KCNJ13: variants seen among roughly 807,000 people sequenced by gnomAD.
KCNJ13 encodes potassium inwardly rectifying channel subfamily J member 13.
In KCNJ13, 9 loss-of-function variants were observed where a neutral mutation model predicts 24.6. The observed-to-expected ratio is 0.37, with a 90% CI of 0.22 to 0.64. The LOEUF is 0.64. KCNJ13 is among the 30% of genes least tolerant of loss of function. KCNJ13 has a pLI of 0.64. For missense variants in KCNJ13, 337 were observed against 443.8 expected, an observed-to-expected ratio of 0.76 and a Z score of 2.16; for synonymous variants, 148 against 154.7, an observed-to-expected ratio of 0.96 and a Z score of 0.32.
At chr2:232,771,692 GC>G (rs1237788770) in intron 1 of KCNJ13, among the ~76,000 whole-genome samples, 4 of 152,086 alleles carry the variant, frequency 2.6e-5, no homozygotes, top group African/African-American at 9.7e-5. Context: ...TGTCTTCCTT[GC>G]ACAAGTCCGG....
rs121918542 is a variant in KCNJ13, at chr2:232,768,790, G to A, written c.484C>T (p.Arg162Trp). 1 of 1,602,284 alleles carries A rather than the reference G, an allele frequency of 6.2e-7. No homozygotes were observed. The highest frequency in any genetic ancestry group is 8.5e-7 in the Non-Finnish European group (1 of 1,171,470). The change falls in exon 3 of 3, where the codon CGG (arginine) becomes TGG (tryptophan). Residue 162 changes from arginine to tryptophan, a missense_variant. Around this residue, in one of 3 missense-constraint regions of KCNJ13, gnomAD observed 235 missense variants for 286.9 expected, o/e 0.82. Transcript: ENST00000233826. ...ITGAFVAKIA[R>W]PKNRAFSIRF... ...ATTGAAAAAGCTCGATTTTTTGGCC[G>A]GGCAATCTTCGCCACAAAAGCACCT...
chr2:232,774,204 G>A (rs1699413048), intron 1 of KCNJ13, among the ~76,000 whole-genome samples: 1 of 152,098 alleles, frequency 6.6e-6, no homozygotes, highest in Admixed American at 6.6e-5. Flanking sequence ...TCCAGAGTTA[G>A]TGCCATATTG....
chr2:232,769,695 G>C (rs1038327640), intron 2 of KCNJ13, among the ~76,000 whole-genome samples: 1 of 151,892 alleles, frequency 6.6e-6, no homozygotes, highest in Admixed American at 6.6e-5. Context: ...AATCAGTTTT[G>C]TGCCACAGAT....
In KCNJ13 at chr2:232,776,543, T is replaced by C. The variant is rs994855550; in HGVS notation, c.-115A>G. 2 of 889,560 alleles carry C rather than the reference T, an allele frequency of 2.2e-6. No homozygotes were observed. Among genetic ancestry groups the C allele is most frequent in the African/African-American group, 3.3e-5 (2 of 60,724 alleles). 55.1% of individuals were successfully genotyped at this position (889,560 alleles called of 1,614,324 possible). A position where few individuals can be genotyped will look rare whatever the true frequency, so the allele number is the denominator to read the frequency against. On this transcript the variant is annotated 5_prime_UTR_variant, in exon 1 of 3. Transcript: ENST00000233826. ...AGATAATTTTAATCTACAAGTCTAGTTTGTAGGTTCTCTTCTTGGACTGGT... is the reference window on the plus strand; with the variant it reads ...AGATAATTTTAATCTACAAGTCTAGCTTGTAGGTTCTCTTCTTGGACTGGT...
intron 1 of KCNJ13, 76 bp from the exon 2 acceptor site, chr2:232,771,454 T>A (rs1699242096): frequency 2.2e-6 from 2 of 926,582 alleles, no homozygotes; most frequent in South Asian, 3.6e-5. Context: ...GCTCATGGAC[T>A]TTCTGCTTTC....
Position 232,768,119 on chromosome 2 carries a change from T to C in KCNJ13, c.*72A>G. 1 of 1,460,508 alleles carries C rather than the reference T, an allele frequency of 6.8e-7. No homozygotes were observed. Among genetic ancestry groups the C allele is most frequent in the Non-Finnish European group, 9.6e-7 (1 of 1,045,054 alleles). The allele number at this position is 1,460,508 out of a possible 1,614,324, so 90.5% of individuals were successfully genotyped here. On this transcript the variant is annotated 3_prime_UTR_variant, in exon 3 of 3. Transcript: ENST00000233826. ...TAATTAGCATTGAAAAAAGAAAACA[T>C]GAGATACAGTAAAGAAAAAGTAGCT...
At chr2:232,768,861 T>A in intron 2 of KCNJ13, 48 bp from the exon 3 acceptor site, 1 of 1,487,154 alleles carries the variant, frequency 6.7e-7, no homozygotes, top group Non-Finnish European at 9.2e-7. Flanking sequence ...ACTTTAAATA[T>A]CAATACTTTT....
At chr2:232,776,126 A>G (rs949918499) in intron 1 of KCNJ13, among the ~76,000 whole-genome samples, 2 of 152,182 alleles carry the variant, frequency 1.3e-5, no homozygotes, top group African/African-American at 4.8e-5. Flanking sequence ...TTCCAAAAGA[A>G]AAAGACTTTT....
chr2:232,772,597 A>G (rs1374867146), intron 1 of KCNJ13, among the ~76,000 whole-genome samples: 1 of 152,172 alleles, frequency 6.6e-6, no homozygotes, highest in African/African-American at 2.4e-5. Context: ...CTTCCTTGTA[A>G]TCATCCTTGC....
At chr2:232,770,352 A>AAATCTTTGT (rs1699183945) in intron 2 of KCNJ13, among the ~76,000 whole-genome samples, 3 of 152,356 alleles carry the variant, frequency 2.0e-5, no homozygotes, top group African/African-American at 7.2e-5. Flanking sequence ...ACATATTTCC[A>AAATCTTTGT]GTGCATTTTG....
intron 2 of KCNJ13, among the ~76,000 whole-genome samples, chr2:232,769,892 A>G (rs1173058504): frequency 1.3e-5 from 2 of 152,188 alleles, no homozygotes; most frequent in Non-Finnish European, 2.9e-5. Context: ...TGGTTTTAGT[A>G]CTGTGATTTT....
rs1255693515 is a variant in KCNJ13, at chr2:232,766,158, C to T, written c.*2033G>A. On this transcript the variant is annotated 3_prime_UTR_variant, in exon 3 of 3. Transcript: ENST00000233826. The stretch of plus-strand genomic sequence containing the variant: ...GTGAAAGAAACAATGAACAGTCCTC[C>T]CAGAAACTTTCTATCTCCTGCAAAA... Among the ~76,000 whole-genome samples the T allele has an allele frequency of 6.6e-6, 1 of 152,144 alleles. No homozygotes were observed. The highest frequency in any genetic ancestry group is 2.4e-5 in the African/African-American group (1 of 41,436).
At chr2:232,769,758 T>C (rs1402178331) in intron 2 of KCNJ13, among the ~76,000 whole-genome samples, 2 of 152,150 alleles carry the variant, frequency 1.3e-5, no homozygotes, top group Non-Finnish European at 2.9e-5. Flanking sequence ...ACCAGAATTA[T>C]GTTTTAAGTG....
At chr2:232,771,710 A>G (rs1395908480) in intron 1 of KCNJ13, among the ~76,000 whole-genome samples, 4 of 152,250 alleles carry the variant, frequency 2.6e-5, no homozygotes, top group African/African-American at 4.8e-5. Context: ...CCGGGTGTCA[A>G]GCATTTATTG....
At chr2:232,768,863 A>C in intron 2 of KCNJ13, 50 bp from the exon 3 acceptor site, 5 of 1,481,994 alleles carry the variant, frequency 3.4e-6, no homozygotes, top group African/African-American at 1.4e-5. Context: ...TTTAAATATC[A>C]ATACTTTTTC....
At chr2:232,770,046 T>G (rs1343434467) in intron 2 of KCNJ13, among the ~76,000 whole-genome samples, 1 of 152,156 alleles carries the variant, frequency 6.6e-6, no homozygotes, top group Non-Finnish European at 1.5e-5. Context: ...TACAAGTTTT[T>G]CCCATATAAG....
Position 232,768,800 on chromosome 2 carries a change from C to G in KCNJ13, c.474G>C (p.Ala158=). 2 of 1,604,236 alleles carry G rather than the reference C, an allele frequency of 1.2e-6. No homozygotes were observed. The highest frequency in any genetic ancestry group is 8.5e-7 in the Non-Finnish European group (1 of 1,173,118). The change falls in exon 3 of 3, where the codon GCG becomes GCC. Residue 158 remains alanine, a synonymous_variant. Transcript: ENST00000233826. ...LEAFITGAFV[A]KIARPKNRAF... ...CTCGATTTTTTGGCCGGGCAATCTT[C>G]GCCACAAAAGCACCTAAATAAGAAA... is the stretch of plus-strand genomic sequence containing the variant.
rs1316172407 is a variant in KCNJ13 at position 232,768,535 on chromosome 2, T to G, written c.739A>C (p.Ile247Leu). 1.2e-6 allele frequency: 2 copies of G among 1,614,130 alleles called. No homozygotes were observed. The highest frequency in any genetic ancestry group is 1.7e-5 in the Admixed American group (1 of 60,002). Residue 247 changes from isoleucine (I) to leucine (L), a missense_variant, in exon 3 of 3, where the codon ATT becomes CTT. This residue lies in a region of KCNJ13 where 235 missense variants were observed against 286.9 expected (regional missense o/e 0.82). Transcript: ENST00000233826. Reference protein sequence around the residue: ...FIFPLTYYHSITPSSPLATLL... With the variant: ...FIFPLTYYHSLTPSSPLATLL... The stretch of plus-strand genomic sequence containing the variant: ...GTAGCCAGAGGACTTGATGGTGTAA[T>G]GGAGTGATAGTACGTTAGTGGAAAG...
In KCNJ13 at chr2:232,771,353, T is replaced by C. The variant is rs1297475332; in HGVS notation, c.10A>G (p.Ser4Gly). Reference sequence around the variant, plus strand: ...AGAGGAGCAATAACTTTGCAATTACTGCTGTCCATCTCAGGCTGTATTTCT... The same window carrying C: ...AGAGGAGCAATAACTTTGCAATTACCGCTGTCCATCTCAGGCTGTATTTCT... MDS[S>G]NCKVIAPLLS... Residue 4 changes from serine to glycine, a missense_variant, in exon 2 of 3, where the codon AGT (serine) becomes GGT (glycine). This residue lies in a region of KCNJ13 where 101 missense variants were observed against 139.2 expected (regional missense o/e 0.73). Transcript: ENST00000233826. 2.5e-6 allele frequency: 4 copies of C among 1,611,090 alleles called. No homozygotes were observed. Among genetic ancestry groups the C allele is most frequent in the Middle Eastern group, 1.6e-4 (1 of 6,068 alleles).
Sources: gnomAD v4.1 joint callset for allele counts (sites outside exome capture counted in the v4.1 genomes callset) on GRCh38, gnomAD v4.1.1 for gene constraint, gnomAD v4.1.1 regional missense constraint, MANE v1.5 for transcripts, NCBI Gene and HGNC (gene_info 2026-07-23, HGNC 2026-07-21) for gene names.